Variants in INPP4B observed in about 807,000 individuals in gnomAD.
INPP4B encodes inositol polyphosphate 4-phosphatase type II.
A neutral mutation model predicts 122.5 loss-of-function variants in INPP4B; 55 were observed. The observed-to-expected ratio is 0.45, with a 90% CI of 0.36 to 0.56. The LOEUF is 0.56. INPP4B is among the 20% of genes least tolerant of loss of function. The pLI, the probability that INPP4B is intolerant of heterozygous loss-of-function variation, is 0.00. For missense variants in INPP4B, 1,000 were observed against 1,097.7 expected (o/e 0.91, Z 1.26); for synonymous variants, 403 against 388.7 (o/e 1.04, Z -0.43).
At chr4:142,030,350 T>C in intron 25 of INPP4B, 1 of 1,476,138 alleles carries the variant, frequency 6.8e-7, no homozygotes, top group Non-Finnish European at 9.1e-7. Context: ...AGTATAGAGT[T>C]CACACAGTAA....
rs998840968 is a variant in INPP4B at position 142,727,095 on chromosome 4, GTTTA to G, written c.-253-1198_-253-1195del. ...TATCATACTGGACATTACCTATTTT[GTTTA>G]TTTATTAATTAGACTCTGTGATGAT... is the stretch of plus-strand genomic sequence containing the variant. On this transcript the variant is annotated intron_variant, in intron 1 of 25. Coordinates refer to ENST00000262992, the MANE Select transcript of INPP4B (RefSeq NM_001101669.3). Among the ~76,000 whole-genome samples, 5 of 152,210 alleles carry G rather than the reference GTTTA, an allele frequency of 3.3e-5. 1 individual carries two copies. In the South Asian group the frequency reaches 8.3e-4, roughly 25 times the overall value.
intron 7 of INPP4B, among the ~76,000 whole-genome samples, chr4:142,342,425 G>T (rs1561892483): frequency 6.6e-6 from 1 of 152,042 alleles, no homozygotes. Flanking sequence ...AGAAATAAAA[G>T]AAATTAATAT....
At chr4:142,818,854 T>C (rs1416649259) in intron 1 of INPP4B, among the ~76,000 whole-genome samples, 1 of 152,186 alleles carries the variant, frequency 6.6e-6, no homozygotes, top group African/African-American at 2.4e-5. Context: ...CTTCATTCTG[T>C]TACATTTTTA....
At chr4:142,286,067 C>CT (rs1253513346) in intron 9 of INPP4B, among the ~76,000 whole-genome samples, 21 of 152,170 alleles carry the variant, frequency 1.4e-4, no homozygotes, top group Admixed American at 9.2e-4. Context: ...TCCTACAGGA[C>CT]TTTTTTTGTT....
intron 1 of INPP4B, among the ~76,000 whole-genome samples, chr4:142,830,867 A>T (rs1357272757): frequency 6.6e-6 from 1 of 151,354 alleles, no homozygotes; most frequent in Admixed American, 6.6e-5. Flanking sequence ...AAAAAAAAAA[A>T]AAAAATTATC....
At chr4:142,392,552 T>A (rs1173189076) in intron 7 of INPP4B, among the ~76,000 whole-genome samples, 6 of 152,190 alleles carry the variant, frequency 3.9e-5, no homozygotes, top group African/African-American at 1.4e-4. Flanking sequence ...TTAACCCACA[T>A]CATGGGTTAA....
intron 2 of INPP4B, among the ~76,000 whole-genome samples, chr4:142,547,350 C>A (rs1829755755): frequency 6.6e-6 from 1 of 152,074 alleles, no homozygotes. Context: ...GACCCTCTCA[C>A]CAAGCTCTGG....
chr4:142,023,311 T>C lies in INPP4B; in HGVS notation c.*5471A>G, dbSNP rs1736038811. On this transcript the variant is annotated 3_prime_UTR_variant, in exon 26 of 26. Transcript: ENST00000262992. ...TAGAAAAAATTTCTAGGAATACACA[T>C]TATTGATTCATCTAAAATACATATA... 1 of 152,090 alleles carries C rather than the reference T, an allele frequency of 6.6e-6. No individual in the cohort carries two copies. Among genetic ancestry groups the C allele is most frequent in the Non-Finnish European group, 1.5e-5 (1 of 68,014 alleles). The allele number at this position is 152,090 out of a possible 1,614,324, so 9.4% of individuals were successfully genotyped here. A position where few individuals can be genotyped will look rare whatever the true frequency, so the allele number is the denominator to read the frequency against.
intron 16 of INPP4B, among the ~76,000 whole-genome samples, chr4:142,161,399 C>T (rs1398620512): frequency 2.0e-5 from 3 of 151,928 alleles, no homozygotes; most frequent in Admixed American, 6.6e-5. Context: ...TGTGGCCTAA[C>T]GATCTGTTCA....
intron 7 of INPP4B, among the ~76,000 whole-genome samples, chr4:142,402,089 T>C (rs1005959742): frequency 1.3e-5 from 2 of 152,164 alleles, no homozygotes; most frequent in African/African-American, 4.8e-5. Context: ...ATTCCCCAGG[T>C]CCAGCAGCAT....
chr4:142,698,700 A>T (rs1292354162), intron 2 of INPP4B, among the ~76,000 whole-genome samples: 1 of 152,188 alleles, frequency 6.6e-6, no homozygotes, highest in South Asian at 2.1e-4. Context: ...TACCTTCCTC[A>T]TACCAGACTT....
chr4:142,245,938 GTGTATGTATACATATATA>G (rs1428839569), intron 11 of INPP4B, among the ~76,000 whole-genome samples: 1 of 24,340 alleles, frequency 4.1e-5, no homozygotes, highest in African/African-American at 8.8e-5. Context: ...ATACATATAT[GTGTATGTATACATATATA>G]TGTGTATGTA....
At chr4:142,362,394 A>G (rs1299665060) in intron 7 of INPP4B, among the ~76,000 whole-genome samples, 1 of 152,058 alleles carries the variant, frequency 6.6e-6, no homozygotes, top group Non-Finnish European at 1.5e-5. Context: ...GTGAAGAGAA[A>G]AGAGAAAGAG....
intron 2 of INPP4B, among the ~76,000 whole-genome samples, chr4:142,629,578 C>T (rs774430685): frequency 4.0e-5 from 6 of 151,774 alleles, no homozygotes; most frequent in Middle Eastern, 3.2e-3. Flanking sequence ...TGGGTCTTTA[C>T]AATATTTAGG....
chr4:142,461,966 G>C (rs1816831961), intron 3 of INPP4B, among the ~76,000 whole-genome samples: 1 of 152,048 alleles, frequency 6.6e-6, no homozygotes, highest in African/African-American at 2.4e-5. Flanking sequence ...GGACCTATGG[G>C]GCTGGGCTTT....
intron 2 of INPP4B, among the ~76,000 whole-genome samples, chr4:142,722,418 G>C (rs1406277018): frequency 6.6e-6 from 1 of 152,144 alleles, no homozygotes. Flanking sequence ...AAACATAGCT[G>C]GGGAATTGAT....
At chr4:142,441,943 G>C (rs1170722519) in intron 3 of INPP4B, among the ~76,000 whole-genome samples, 1 of 151,856 alleles carries the variant, frequency 6.6e-6, no homozygotes, top group Non-Finnish European at 1.5e-5. Flanking sequence ...CAAAATCCAG[G>C]TGGTACAATC....
rs531867263 is a variant in INPP4B at position 142,362,889 on chromosome 4, C to T, written c.372+40049G>A. ...CTGAAAAACTTCCTATTGGTTAGTA[C>T]GTTCACTATTTGGGTGACGGAATCA... is the stretch of plus-strand genomic sequence containing the variant. On this transcript the variant is annotated intron_variant, in intron 7 of 25. Coordinates refer to ENST00000262992, the MANE Select transcript of INPP4B (RefSeq NM_001101669.3). Among the ~76,000 whole-genome samples, 34 of 152,082 alleles carry T rather than the reference C, an allele frequency of 2.2e-4. No homozygotes were observed. The East Asian group carries it at 4.7e-3, about 21-fold the overall frequency.
At chr4:142,390,283 T>G (rs886888169) in intron 7 of INPP4B, among the ~76,000 whole-genome samples, 6 of 152,198 alleles carry the variant, frequency 3.9e-5, no homozygotes, top group Non-Finnish European at 5.9e-5. Flanking sequence ...AAAAATGTTT[T>G]TGTTTCCCTT....
Sources: gnomAD v4.1 joint callset for allele counts (sites outside exome capture counted in the v4.1 genomes callset) on GRCh38, gnomAD v4.1.1 for gene constraint, MANE v1.5 for transcripts, NCBI Gene and HGNC (gene_info 2026-07-23, HGNC 2026-07-21) for gene names.